Variants in DOCK1 observed in about 807,000 individuals in gnomAD.
DOCK1 encodes dedicator of cytokinesis protein 1.
In DOCK1, 138 loss-of-function variants were observed where a neutral mutation model predicts 262.7. The observed-to-expected ratio is 0.53, with a 90% CI of 0.46 to 0.61. The LOEUF (loss-of-function observed/expected upper bound fraction) is 0.61. Among genes scored for constraint, DOCK1 ranks in the 20% least tolerant of loss-of-function variants. The pLI is 0.00. For missense variants in DOCK1, 1,908 were observed against 2,370.7 expected, an observed-to-expected ratio of 0.80 and a Z score of 4.05; for synonymous variants, 866 against 867.4, an observed-to-expected ratio of 1.00 and a Z score of 0.03.
At chr10:126,919,440 C>T (rs2032945597) in intron 1 of DOCK1, among the ~76,000 whole-genome samples, 1 of 152,140 alleles carries the variant, frequency 6.6e-6, no homozygotes, top group Non-Finnish European at 1.5e-5. Context: ...TTTTCAAAGG[C>T]AGGAATCGTC....
chr10:127,199,360 A>G (rs754371171), intron 27 of DOCK1, among the ~76,000 whole-genome samples: 8 of 152,174 alleles, frequency 5.3e-5, no homozygotes, highest in Admixed American at 3.9e-4. Flanking sequence ...CAATTTCCAC[A>G]TTAAAAAGTC....
At chr10:127,365,331 G>A (rs74158673) in intron 33 of DOCK1, among the ~76,000 whole-genome samples, 35 of 152,220 alleles carry the variant, frequency 2.3e-4, no homozygotes, top group African/African-American at 7.9e-4. Flanking sequence ...TGAAATTATT[G>A]CCAAATGGTT....
At chr10:127,179,969 G>A (rs2055570123) in intron 27 of DOCK1, among the ~76,000 whole-genome samples, 1 of 152,188 alleles carries the variant, frequency 6.6e-6, no homozygotes, top group Non-Finnish European at 1.5e-5. Flanking sequence ...TGCAGATTGA[G>A]AAACCGAGGC....
intron 29 of DOCK1, among the ~76,000 whole-genome samples, chr10:127,329,963 CA>C (rs1316339859): frequency 7.9e-5 from 12 of 152,156 alleles, no homozygotes; most frequent in Non-Finnish European, 1.6e-4. Context: ...TTTATCCCAA[CA>C]CTTGCTAACT....
chr10:126,912,168 C>T (rs180897040), intron 1 of DOCK1, among the ~76,000 whole-genome samples: 1 of 152,114 alleles, frequency 6.6e-6, no homozygotes, highest in Non-Finnish European at 1.5e-5. Context: ...GTGGCTCACA[C>T]CTGTAATCCC....
chr10:127,202,315 T>C (rs1449301054), intron 27 of DOCK1, among the ~76,000 whole-genome samples: 1 of 150,356 alleles, frequency 6.7e-6, no homozygotes, highest in Non-Finnish European at 1.5e-5. Flanking sequence ...AGAGCGAGAC[T>C]CTGTCTCCAA....
chr10:127,334,327 A>C (rs1212326537), intron 29 of DOCK1, among the ~76,000 whole-genome samples: 6 of 152,214 alleles, frequency 3.9e-5, no homozygotes, highest in Admixed American at 3.3e-4. Context: ...CATATTTGAC[A>C]CTGTCAAGAA....
chr10:127,107,186 T>G (rs1273611011), intron 24 of DOCK1, among the ~76,000 whole-genome samples: 2 of 152,192 alleles, frequency 1.3e-5, no homozygotes, highest in African/African-American at 4.8e-5. Context: ...CTTTTTGTTT[T>G]GGTTTTGATT....
intron 23 of DOCK1, among the ~76,000 whole-genome samples, chr10:127,099,180 CT>C (rs1329353953): frequency 3.3e-5 from 5 of 152,112 alleles, no homozygotes; most frequent in Admixed American, 2.6e-4. Flanking sequence ...AGGAATGCTT[CT>C]TGAAAATAAA....
At chr10:127,272,765 G>T (rs555212022) in intron 29 of DOCK1, among the ~76,000 whole-genome samples, 1 of 152,240 alleles carries the variant, frequency 6.6e-6, no homozygotes, top group Non-Finnish European at 1.5e-5. Context: ...GTTCTATGTG[G>T]CTTGGGAGGC....
chr10:127,184,728 G>A (rs555294758), intron 27 of DOCK1, among the ~76,000 whole-genome samples: 2 of 152,300 alleles, frequency 1.3e-5, no homozygotes, highest in East Asian at 3.9e-4. Context: ...ACCATGGTCA[G>A]TCTCTACTTT....
intron 38 of DOCK1, among the ~76,000 whole-genome samples, chr10:127,401,165 C>T (rs2067202131): frequency 6.6e-6 from 1 of 152,048 alleles, no homozygotes; most frequent in Admixed American, 6.6e-5. Context: ...ACCTGGCCGC[C>T]ACCACCCCTT....
intron 27 of DOCK1, among the ~76,000 whole-genome samples, chr10:127,225,220 C>G (rs2058591882): frequency 6.6e-6 from 1 of 152,208 alleles, no homozygotes; most frequent in Admixed American, 6.5e-5. Context: ...AAGTACTAAA[C>G]TGACAGGTGT....
At chr10:127,005,621 T>A (rs1354597069) in intron 10 of DOCK1, among the ~76,000 whole-genome samples, 1 of 152,192 alleles carries the variant, frequency 6.6e-6, no homozygotes. Context: ...TCTATCTTTT[T>A]CTAAAAGATA....
chr10:127,187,748 G>GAGAAAGAAAGAA lies in DOCK1; in HGVS notation c.2847+59991_2847+59992insAAGAAAGAAAGA, dbSNP rs1348954427. Among the ~76,000 whole-genome samples the GAGAAAGAAAGAA allele has an allele frequency of 1.5e-4, 6 of 40,032 alleles. No homozygotes were observed. In the South Asian group the frequency reaches 4.9e-3, roughly 33 times the overall value. 26.3% of individuals were successfully genotyped at this position (40,032 alleles called of 152,430 possible). ...AAAGAGAGAAAGAAAGAAAGAAAGA[G>GAGAAAGAAAGAA]AGAAAGAGAGAAAGAAAGAAAAGAG... On this transcript the variant is annotated intron_variant, in intron 27 of 51. Coordinates refer to ENST00000623213, the MANE Select transcript of DOCK1 (RefSeq NM_001290223.2).
chr10:127,391,518 G>A (rs77659438), intron 38 of DOCK1, among the ~76,000 whole-genome samples: 4,927 of 152,202 alleles, frequency 0.032, 271 homozygotes, highest in African/African-American at 0.11. Flanking sequence ...TTGTGCTTTG[G>A]ATAAATCCCA....
intron 1 of DOCK1, among the ~76,000 whole-genome samples, chr10:126,918,147 G>T (rs1389002004): frequency 6.6e-6 from 1 of 152,332 alleles, no homozygotes; most frequent in Middle Eastern, 3.4e-3. Flanking sequence ...TGCCAGTGCA[G>T]TGGGGCTCCG....
At chr10:127,367,384 C>G (rs1054427168) in intron 33 of DOCK1, among the ~76,000 whole-genome samples, 1 of 152,160 alleles carries the variant, frequency 6.6e-6, no homozygotes, top group East Asian at 1.9e-4. Flanking sequence ...TGAATGGGCT[C>G]TCTTGGTGGC....
chr10:127,200,295 A>C (rs558150276), intron 27 of DOCK1, among the ~76,000 whole-genome samples: 1 of 152,350 alleles, frequency 6.6e-6, no homozygotes, highest in East Asian at 1.9e-4. Flanking sequence ...AAGAGGAGGA[A>C]TGCGTCCAGC....
Sources: gnomAD v4.1 joint callset for allele counts (sites outside exome capture counted in the v4.1 genomes callset) on GRCh38, gnomAD v4.1.1 for gene constraint, MANE v1.5 for transcripts, NCBI Gene and HGNC (gene_info 2026-07-23, HGNC 2026-07-21) for gene names.